Variants in IFT52 observed in about 807,000 individuals in gnomAD.
IFT52 encodes the protein intraflagellar transport 52, also known as intraflagellar transport protein 52 homolog.
Under a neutral mutation model 54.4 loss-of-function variants are expected in IFT52, and 44 were observed. That is an observed-to-expected ratio of 0.81 (90% CI 0.63 to 1.04). IFT52 has a LOEUF of 1.04. Ranked by LOEUF, IFT52 falls within the 50% of genes least tolerant of loss-of-function variation. IFT52 has a pLI of 0.00. For missense variants in IFT52, 452 were observed against 523.6 expected (o/e 0.86, Z 1.33); for synonymous variants, 181 against 185.3 (o/e 0.98, Z 0.19).
intron 6 of IFT52, among the ~76,000 whole-genome samples, chr20:43,613,547 C>T (rs1983619957): frequency 6.6e-6 from 1 of 152,102 alleles, no homozygotes; most frequent in Admixed American, 6.6e-5. Context: ...TTTGGGAGGC[C>T]AAGGTGGGCA....
At chr20:43,646,096 A>G (rs1986180420) in intron 13 of IFT52, among the ~76,000 whole-genome samples, 1 of 151,654 alleles carries the variant, frequency 6.6e-6, no homozygotes, top group Non-Finnish European at 1.5e-5. Context: ...CTGTAGTCCC[A>G]GCTACTCGGG....
intron 3 of IFT52, among the ~76,000 whole-genome samples, chr20:43,599,898 A>G (rs540914326): frequency 3.0e-4 from 45 of 152,308 alleles, no homozygotes; most frequent in African/African-American, 8.7e-4. Context: ...GCATCCACCT[A>G]TATTACAGAT....
At position 43,609,690 on chromosome 20, in the gene IFT52, A is replaced by T. The variant is rs1983260810; in HGVS notation, c.486-4160A>T. On this transcript the variant is annotated intron_variant, in intron 6 of 13. Transcript: ENST00000373030. The stretch of plus-strand genomic sequence containing the variant: ...CTCAGGAAGCTGAGACAGGAGAATC[A>T]CTTGAACCTGGGAGGCGGAGGTTGC... Among the ~76,000 whole-genome samples the T allele has an allele frequency of 3.3e-5, 5 of 149,624 alleles. No individual in the cohort carries two copies. In the South Asian group the frequency reaches 8.4e-4, roughly 25 times the overall value.
chr20:43,634,854 C>T (rs1453267048), intron 10 of IFT52, among the ~76,000 whole-genome samples: 1 of 152,040 alleles, frequency 6.6e-6, no homozygotes, highest in Non-Finnish European at 1.5e-5. Flanking sequence ...TGTGTGCTCT[C>T]ATCATTTAGC....
intron 7 of IFT52, among the ~76,000 whole-genome samples, chr20:43,617,557 C>T (rs1447208679): frequency 6.6e-6 from 1 of 151,864 alleles, no homozygotes; most frequent in Non-Finnish European, 1.5e-5. Flanking sequence ...GATTCTCATG[C>T]CTCAGCTTCC....
chr20:43,615,855 T>G (rs1217543830), intron 7 of IFT52, among the ~76,000 whole-genome samples: 1 of 152,048 alleles, frequency 6.6e-6, no homozygotes, highest in Non-Finnish European at 1.5e-5. Context: ...GGCACGAGAA[T>G]CGCTTGAACC....
At chr20:43,601,944 T>TTACTAA (rs1188621504) in intron 3 of IFT52, among the ~76,000 whole-genome samples, 16 of 152,140 alleles carry the variant, frequency 1.1e-4, no homozygotes, top group Non-Finnish European at 1.5e-4. Context: ...TAGTAACAGG[T>TTACTAA]CCTAGGACTA....
chr20:43,619,854 A>C (rs1252429208), intron 8 of IFT52, among the ~76,000 whole-genome samples: 1 of 151,344 alleles, frequency 6.6e-6, no homozygotes, highest in East Asian at 1.9e-4. Context: ...ATTTCTGTGG[A>C]ATTTACATGA....
intron 10 of IFT52, among the ~76,000 whole-genome samples, chr20:43,633,898 T>C (rs891949397): frequency 1.3e-5 from 2 of 151,878 alleles, no homozygotes; most frequent in Non-Finnish European, 2.9e-5. Context: ...GTGCGGTGGC[T>C]CATGCATGTA....
intron 7 of IFT52, among the ~76,000 whole-genome samples, chr20:43,615,849 C>T (rs183452729): frequency 1.1e-4 from 17 of 152,054 alleles, no homozygotes; most frequent in Admixed American, 9.2e-4. Context: ...AGCTGAGGCA[C>T]GAGAATCGCT....
rs568106391 is a variant in IFT52, at chr20:43,624,153, G to A, written c.923+108G>A. ...AGGGTCACAGTAAATGTGGCATGCAGAACATGTTCTCAGATCTATGATGAG... is the reference window on the plus strand; with the variant it reads ...AGGGTCACAGTAAATGTGGCATGCAAAACATGTTCTCAGATCTATGATGAG... On this transcript the variant is annotated intron_variant, in intron 10 of 13. Coordinates refer to ENST00000373030, the MANE Select transcript of IFT52 (RefSeq NM_016004.5). 5.3e-4 allele frequency: 627 copies of A among 1,193,756 alleles called. 5 individuals are homozygous for A. The highest frequency in any genetic ancestry group is 4.1e-5 in the Non-Finnish European group (34 of 833,580). The allele number at this position is 1,193,756 out of a possible 1,614,324, so 73.9% of individuals were successfully genotyped here. A position where few individuals can be genotyped will look rare whatever the true frequency, so the allele number is the denominator to read the frequency against.
chr20:43,596,376 A>G (rs1452509761), intron 2 of IFT52, 59 bp from the exon 3 acceptor site: 3 of 1,105,158 alleles, frequency 2.7e-6, no homozygotes, highest in Non-Finnish European at 4.1e-6. Context: ...AGACTAAAAT[A>G]ATACATAAAT....
intron 6 of IFT52, among the ~76,000 whole-genome samples, chr20:43,609,538 G>T (rs953423784): frequency 6.6e-6 from 1 of 152,078 alleles, no homozygotes; most frequent in South Asian, 2.1e-4. Flanking sequence ...TTGGGAGGCC[G>T]AGGTGGGCGG....
At chr20:43,612,768 T>C (rs552111543) in intron 6 of IFT52, among the ~76,000 whole-genome samples, 3 of 152,300 alleles carry the variant, frequency 2.0e-5, no homozygotes, top group South Asian at 2.1e-4. Context: ...TTTTGTTGTC[T>C]AAAGAAAAAG....
chr20:43,621,347 A>G (rs183841801), intron 9 of IFT52, among the ~76,000 whole-genome samples: 7 of 152,346 alleles, frequency 4.6e-5, no homozygotes, highest in African/African-American at 1.7e-4. Context: ...AATAATATTC[A>G]TCAGACAAGG....
intron 6 of IFT52, among the ~76,000 whole-genome samples, chr20:43,612,207 T>C (rs1025724817): frequency 6.6e-6 from 1 of 152,172 alleles, no homozygotes; most frequent in African/African-American, 2.4e-5. Flanking sequence ...TCTTCCTCCA[T>C]GGACAACTGC....
At chr20:43,591,694 A>G (rs1431460391) in intron 1 of IFT52, among the ~76,000 whole-genome samples, 1 of 152,286 alleles carries the variant, frequency 6.6e-6, no homozygotes. Flanking sequence ...AATAAGGGAG[A>G]TTAGCTCTCC....
rs1417264579 is a variant in IFT52 at position 43,639,401 on chromosome 20, T to C, written c.1120+2148T>C. Among the ~76,000 whole-genome samples the C allele has an allele frequency of 2.0e-5, 3 of 151,894 alleles. No individual in the cohort carries two copies. In the East Asian group the frequency reaches 5.8e-4, roughly 29 times the overall value. On this transcript the variant is annotated intron_variant, in intron 12 of 13. Coordinates refer to ENST00000373030, the MANE Select transcript of IFT52 (RefSeq NM_016004.5). ...AAACAAAAAAAAAGGCTGGGTGCAG[T>C]GGCTCACGCCTGTAATCCCGGCACA...
rs1984544208 is a variant in IFT52 at position 43,624,055 on chromosome 20, T to A, written c.923+10T>A. The stretch of plus-strand genomic sequence containing the variant: ...TCCACAGCGTCATCGAGTCAGTACC[T>A]GTGGGCCTCTGAGCCACACTGCACT... On this transcript the variant is annotated intron_variant, in intron 10 of 13. Coordinates refer to ENST00000373030, the MANE Select transcript of IFT52 (RefSeq NM_016004.5). 1.2e-6 allele frequency: 2 copies of A among 1,613,596 alleles called. No homozygotes were observed. The highest frequency in any genetic ancestry group is 1.7e-6 in the Non-Finnish European group (2 of 1,179,710).
Sources: allele counts gnomAD v4.1 joint callset (sites outside exome capture counted in the v4.1 genomes callset), GRCh38; gene constraint gnomAD v4.1.1; transcripts MANE v1.5; gene names NCBI Gene and HGNC (gene_info 2026-07-23, HGNC 2026-07-21).